The following SLC5A12 variants were observed in gnomAD, a reference collection of about 807,000 sequenced individuals.
SLC5A12 encodes the protein solute carrier family 5 member 12.
A neutral mutation model predicts 72.7 loss-of-function variants in SLC5A12; 46 were observed. That is an observed-to-expected ratio of 0.63 (90% CI 0.50 to 0.81). The LOEUF (loss-of-function observed/expected upper bound fraction) is 0.81, where lower values mean the gene tolerates loss of function less well. Among genes scored for constraint, SLC5A12 ranks in the 30% least tolerant of loss-of-function variants. The pLI, the probability that SLC5A12 is intolerant of heterozygous loss-of-function variation, is 0.00. For synonymous variants in SLC5A12, 275 were observed against 264.4 expected (o/e 1.04, Z -0.39); for missense variants, 683 against 740.7 (o/e 0.92, Z 0.90).
At chr11:26,687,101 G>T (rs1185029058) in intron 9 of SLC5A12, among the ~76,000 whole-genome samples, 1 of 151,724 alleles carries the variant, frequency 6.6e-6, no homozygotes, top group East Asian at 1.9e-4. Flanking sequence ...TGATTTGTTT[G>T]TTTCCATATC....
At position 26,703,657 on chromosome 11, in the gene SLC5A12, G is replaced by C; in HGVS notation, c.695C>G (p.Pro232Arg). The C allele has an allele frequency of 6.2e-7, 1 of 1,613,738 alleles. No homozygotes were observed. The highest frequency in any genetic ancestry group is 8.5e-7 in the Non-Finnish European group (1 of 1,179,848). The change falls in exon 6 of 15, where the codon CCT becomes CGT. Residue 232 changes from proline to arginine, a missense_variant. Coordinates refer to ENST00000396005, the MANE Select transcript of SLC5A12 (RefSeq NM_178498.4). ...AGTCCAAAAAGTGTGTCGCCTGAGA[G>C]GATCTACATCAAAGCTATGAGACAG... is the stretch of plus-strand genomic sequence containing the variant. Reference protein sequence around the residue: ...RLHIFDFDVDPLRRHTFWTIT... With the variant: ...RLHIFDFDVDRLRRHTFWTIT...
At chr11:26,685,907 G>A (rs919105164) in intron 10 of SLC5A12, among the ~76,000 whole-genome samples, 10 of 152,182 alleles carry the variant, frequency 6.6e-5, no homozygotes, top group Admixed American at 1.3e-4. Context: ...TGGGAGTTGT[G>A]AGTTCGGCTT....
At position 26,678,670 on chromosome 11, in the gene SLC5A12, C is replaced by T. The variant is rs761479819; in HGVS notation, c.1579+42G>A. 6 of 1,413,252 alleles carry T rather than the reference C, an allele frequency of 4.2e-6. No homozygotes were observed. The East Asian group carries it at 1.4e-4, about 32-fold the overall frequency. 87.5% of individuals were successfully genotyped at this position (1,413,252 alleles called of 1,614,324 possible). ...GCCAGTCCACCAATGCATGCATGAG[C>T]CCATATCTTCTTTAGTCCCAAAGGG... On this transcript the variant is annotated intron_variant, in intron 13 of 14. Transcript: ENST00000396005.
chr11:26,677,257 AAAGAAAAC>A (rs1854287421), intron 13 of SLC5A12, among the ~76,000 whole-genome samples: 2 of 152,222 alleles, frequency 1.3e-5, no homozygotes, highest in African/African-American at 4.8e-5. Flanking sequence ...ATTTGGAGAA[AAAGAAAAC>A]AAAGGGATTA....
At chr11:26,703,065 T>C (rs1332254190) in intron 6 of SLC5A12, among the ~76,000 whole-genome samples, 3 of 152,188 alleles carry the variant, frequency 2.0e-5, no homozygotes, top group Admixed American at 2.0e-4. Flanking sequence ...CTACTTCTAT[T>C]TGGTAACTGC....
chr11:26,711,207 A>C (rs1340840546), intron 3 of SLC5A12, 100 bp downstream of exon 3: 1 of 964,594 alleles, frequency 1.0e-6, no homozygotes, highest in Admixed American at 2.0e-5. Flanking sequence ...CTCTAACCAG[A>C]AGAATATCTC....
chr11:26,685,914 G>A (rs1854521332), intron 10 of SLC5A12, among the ~76,000 whole-genome samples: 1 of 152,164 alleles, frequency 6.6e-6, no homozygotes, highest in Non-Finnish European at 1.5e-5. Flanking sequence ...TGTGAGTTCG[G>A]CTTGGATGAT....
chr11:26,694,702 C>G (rs182035752), intron 8 of SLC5A12, among the ~76,000 whole-genome samples: 9 of 152,218 alleles, frequency 5.9e-5, no homozygotes, highest in African/African-American at 9.6e-5. Context: ...AACATATTAA[C>G]ATACTAAAAG....
Position 26,671,154 on chromosome 11 carries a change from T to C in SLC5A12, c.1805A>G (p.Asp602Gly). ...ATTGTTGTAGCTTTTGTCCTTAGGA[T>C]CATAGCCTGGAACATGTACCAGGCT... Reference protein sequence around the residue: ...RESLVHVPGYDPKDKSYNNMA... With the variant: ...RESLVHVPGYGPKDKSYNNMA... The change falls in exon 15 of 15, where the codon GAT becomes GGT. Residue 602 changes from aspartate to glycine, a missense_variant. Asp to Gly is a moderately conservative substitution (Grantham distance 94). Transcript: ENST00000396005. The C allele has an allele frequency of 1.2e-6, 2 of 1,612,856 alleles. No homozygotes were observed. The highest frequency in any genetic ancestry group is 1.7e-6 in the Non-Finnish European group (2 of 1,179,308).
chr11:26,723,236 T>C (rs1027182618), upstream of SLC5A12: 2 of 152,552 alleles, frequency 1.3e-5, no homozygotes, highest in Admixed American at 1.3e-4. Context: ...ACTGAATAAA[T>C]CTTTGCTTCA....
intron 6 of SLC5A12, among the ~76,000 whole-genome samples, chr11:26,699,258 G>A (rs1025932399): frequency 6.6e-6 from 1 of 152,194 alleles, no homozygotes; most frequent in African/African-American, 2.4e-5. Context: ...CTTGGCCTGA[G>A]AGAATAAACA....
At chr11:26,710,211 G>A in intron 3 of SLC5A12, among the ~76,000 whole-genome samples, 1 of 152,076 alleles carries the variant, frequency 6.6e-6, no homozygotes, top group Non-Finnish European at 1.5e-5. Flanking sequence ...CATTTTTATG[G>A]CTGCATAGTA....
At chr11:26,691,080 TAAAG>T (rs1296076357) in intron 9 of SLC5A12, among the ~76,000 whole-genome samples, 1 of 152,008 alleles carries the variant, frequency 6.6e-6, no homozygotes, top group African/African-American at 2.4e-5. Flanking sequence ...CCTCTTTATA[TAAAG>T]AGATTTTACA....
chr11:26,721,704 T>A lies in SLC5A12; in HGVS notation c.11A>T (p.Lys4Met), dbSNP rs749407367. The A allele has an allele frequency of 6.2e-7, 1 of 1,612,868 alleles. No individual in the cohort carries two copies. Among genetic ancestry groups the A allele is most frequent in the Non-Finnish European group, 8.5e-7 (1 of 1,179,524 alleles). ...AACATAATCCCAAACTGCAAAGTTC[T>A]TCACCTCCATATTGGAAAGTATGAC... MEV[K>M]NFAVWDYVVF... The change falls in exon 1 of 15, where the codon AAG (lysine) becomes ATG (methionine). Residue 4 changes from lysine to methionine, a missense_variant. Transcript: ENST00000396005.
chr11:26,669,141 CTG>C lies in SLC5A12; in HGVS notation c.*1959_*1960del, dbSNP rs1378569185. 1 of 131,588 alleles carries C rather than the reference CTG, an allele frequency of 7.6e-6. No individual in the cohort carries two copies. Among genetic ancestry groups the C allele is most frequent in the Non-Finnish European group, 1.7e-5 (1 of 57,884 alleles). The allele number at this position is 131,588 out of a possible 1,614,324, so 8.2% of individuals were successfully genotyped here. Reference sequence around the variant, plus strand: ...CAGAATTGCTGTTTTTTTATTCTTTCTGTCTCTCTCTTCCTCTTCCTGTCTTT... The same window carrying C: ...CAGAATTGCTGTTTTTTTATTCTTTCTCTCTCTCTTCCTCTTCCTGTCTTT... On this transcript the variant is annotated 3_prime_UTR_variant, in exon 15 of 15. Coordinates refer to ENST00000396005, the MANE Select transcript of SLC5A12 (RefSeq NM_178498.4).
At chr11:26,704,556 G>C (rs575309683) in intron 4 of SLC5A12, among the ~76,000 whole-genome samples, 1 of 152,254 alleles carries the variant, frequency 6.6e-6, no homozygotes, top group East Asian at 1.9e-4. Context: ...TATGATGAGA[G>C]ATTTTGTTTC....
chr11:26,697,960 C>T (rs11029679), intron 7 of SLC5A12, among the ~76,000 whole-genome samples: 7,936 of 142,570 alleles, frequency 0.056, 694 homozygotes, highest in African/African-American at 0.2. Flanking sequence ...TGCAGTGGCA[C>T]GATCTTGGCT....
chr11:26,680,340 T>A lies in SLC5A12; in HGVS notation c.1475+715A>T, dbSNP rs867801885. Among the ~76,000 whole-genome samples, 208 of 129,032 alleles carry A rather than the reference T, an allele frequency of 1.6e-3. 5 individuals carry two copies. Among genetic ancestry groups the A allele is most frequent in the African/African-American group, 2.6e-3 (87 of 33,288 alleles). 84.7% of individuals were successfully genotyped at this position (129,032 alleles called of 152,430 possible). ...ATGTATATATATTCATATATATATG[T>A]ATATATATTCATATATATATGTATA... On this transcript the variant is annotated intron_variant, in intron 12 of 14. Coordinates refer to ENST00000396005, the MANE Select transcript of SLC5A12 (RefSeq NM_178498.4).
intron 12 of SLC5A12, among the ~76,000 whole-genome samples, chr11:26,680,139 T>G (rs1185143848): frequency 6.6e-6 from 1 of 151,310 alleles, no homozygotes; most frequent in Non-Finnish European, 1.5e-5. Context: ...GGGGAGATAT[T>G]GATGATAATC....
Sources: allele counts gnomAD v4.1 joint callset (sites outside exome capture counted in the v4.1 genomes callset), GRCh38; gene constraint gnomAD v4.1.1; transcripts MANE v1.5; gene names NCBI Gene and HGNC (gene_info 2026-07-23, HGNC 2026-07-21).